RPE: variants seen among roughly 807,000 people sequenced by gnomAD.
RPE encodes the protein ribulose-5-phosphate-3-epimerase, also known as ribulose-phosphate 3-epimerase.
A neutral mutation model predicts 24.6 loss-of-function variants in RPE; 16 were observed. The ratio of observed to expected loss-of-function variants is 0.65; its 90% confidence interval spans 0.44 to 0.99. The LOEUF is 0.99. Ranked by LOEUF, RPE falls within the 50% of genes least tolerant of loss-of-function variation. The pLI, the probability that RPE is intolerant of heterozygous loss-of-function variation, is 0.00. For missense variants in RPE, 240 were observed against 294.5 expected (o/e 0.81, Z 1.35); for synonymous variants, 93 against 98.4 (o/e 0.94, Z 0.33).
chr2:210,002,841 T>C (rs1372054750), intron 1 of RPE, 58 bp downstream of exon 1: 1 of 1,613,048 alleles, frequency 6.2e-7, no homozygotes, highest in Non-Finnish European at 8.5e-7. Flanking sequence ...CAGTGCACCT[T>C]TATTGACTGC....
At chr2:210,004,287 T>C (rs1355457050) in intron 1 of RPE, among the ~76,000 whole-genome samples, 2 of 152,246 alleles carry the variant, frequency 1.3e-5, no homozygotes, top group Non-Finnish European at 2.9e-5. Flanking sequence ...TCAGGATTAT[T>C]AATGATAACC....
Position 210,009,743 on chromosome 2 carries a change from G to GGGTGT in RPE, c.202+8_202+12dup, listed in dbSNP as rs1559477181. On this transcript the variant is annotated splice_region_variant and intron_variant, in intron 2 of 5. Transcript: ENST00000359429. ...GGCCAGGACCCTTTCTTTGGTAAGT[G>GGGTGT]GGTGTTACGCCATCTGAAGCTGGAT... 1.9e-6 allele frequency: 3 copies of GGGTGT among 1,614,098 alleles called. No individual in the cohort carries two copies. The highest frequency in any genetic ancestry group is 1.7e-5 in the Admixed American group (1 of 60,026).
Position 210,020,014 on chromosome 2 carries a change from C to G in RPE, c.*223C>G, listed in dbSNP as rs769959682. ...AATTTATTGATTAGTGAGTAAGATA[C>G]TGTTTTTATTGAGAGATTTGATTTT... On this transcript the variant is annotated 3_prime_UTR_variant, in exon 6 of 6. Coordinates refer to ENST00000359429, the MANE Select transcript of RPE (RefSeq NM_199229.3). 22 of 395,894 alleles carry G rather than the reference C, an allele frequency of 5.6e-5. No homozygotes were observed. The highest frequency in any genetic ancestry group is 9.0e-5 in the Admixed American group (2 of 22,238). The allele number at this position is 395,894 out of a possible 1,614,324, so 24.5% of individuals were successfully genotyped here.
At chr2:210,013,974 G>A (rs1418743345) in intron 2 of RPE, among the ~76,000 whole-genome samples, 1 of 152,170 alleles carries the variant, frequency 6.6e-6, no homozygotes, top group Non-Finnish European at 1.5e-5. Context: ...TTGACTCCCT[G>A]AACACCATAG....
chr2:210,014,968 TAAG>T (rs2093750414), intron 2 of RPE, among the ~76,000 whole-genome samples: 1 of 152,240 alleles, frequency 6.6e-6, no homozygotes, highest in Non-Finnish European at 1.5e-5. Flanking sequence ...TCAAGATCTT[TAAG>T]AAGGCCATGC....
intron 1 of RPE, among the ~76,000 whole-genome samples, chr2:210,008,693 TTTTG>T (rs1459107182): frequency 6.6e-6 from 1 of 151,832 alleles, no homozygotes; most frequent in Non-Finnish European, 1.5e-5. Flanking sequence ...CTTGATTTGT[TTTTG>T]TTTTTGTTTT....
chr2:210,018,051 T>C lies in RPE; in HGVS notation c.564+492T>C, dbSNP rs927172819. ...TGAGCCATGGCGTCTGGCCCGTAAG[T>C]GGATATTCTAAAATCACATAAATTG... On this transcript the variant is annotated intron_variant, in intron 5 of 5. Coordinates refer to ENST00000359429, the MANE Select transcript of RPE (RefSeq NM_199229.3). 4.9e-6 allele frequency: 6 copies of C among 1,236,104 alleles called. No individual in the cohort carries two copies. The East Asian group carries it at 1.3e-4, about 26-fold the overall frequency. The allele number at this position is 1,236,104 out of a possible 1,614,324, so 76.6% of individuals were successfully genotyped here. A position where few individuals can be genotyped will look rare whatever the true frequency, so the allele number is the denominator to read the frequency against.
chr2:210,013,458 G>A (rs1231395034), intron 2 of RPE, among the ~76,000 whole-genome samples: 1 of 151,950 alleles, frequency 6.6e-6, no homozygotes, highest in Non-Finnish European at 1.5e-5. Context: ...TGGGACTGCA[G>A]GGGCACACTA....
intron 5 of RPE, among the ~76,000 whole-genome samples, chr2:210,018,995 T>TCAGCAATGAAA (rs2125092795): frequency 1.3e-5 from 2 of 152,320 alleles, no homozygotes; most frequent in East Asian, 3.9e-4. Context: ...TAGCAATGAA[T>TCAGCAATGAAA]CACAAAACAG....
chr2:210,018,455 C>A, intron 5 of RPE: 1 of 984,758 alleles, frequency 1.0e-6, no homozygotes, highest in Non-Finnish European at 1.2e-6. Flanking sequence ...GATGCCAGCC[C>A]TTCTGGTAGC....
In RPE at chr2:210,021,633, A is replaced by G. The variant is rs1483669072; in HGVS notation, c.*1842A>G. 1 of 152,530 alleles carries G rather than the reference A, an allele frequency of 6.6e-6. No homozygotes were observed. The highest frequency in any genetic ancestry group is 1.5e-5 in the Non-Finnish European group (1 of 67,960). 9.4% of individuals were successfully genotyped at this position (152,530 alleles called of 1,614,324 possible). On this transcript the variant is annotated 3_prime_UTR_variant, in exon 6 of 6. Transcript: ENST00000359429. ...CTTAAAAGGACTAGTATAATTTCCA[A>G]TCTCTAACAAAAACTTAGTGTCAAA... is the stretch of plus-strand genomic sequence containing the variant.
rs751018617 is a variant in RPE at position 210,022,109 on chromosome 2, A to G, written c.*2318A>G. The G allele has an allele frequency of 6.6e-5, 10 of 151,760 alleles. No individual in the cohort carries two copies. The highest frequency in any genetic ancestry group is 1.5e-4 in the Non-Finnish European group (10 of 67,900). 9.4% of individuals were successfully genotyped at this position (151,760 alleles called of 1,614,324 possible). ...AGACACATTAATTGGTAAAACTCAA[A>G]TTGAGTTTTCAAAGATGTGATAGTA... On this transcript the variant is annotated 3_prime_UTR_variant, in exon 6 of 6. Transcript: ENST00000359429.
At chr2:210,017,046 C>T (rs1276872928) in intron 4 of RPE, among the ~76,000 whole-genome samples, 4 of 152,258 alleles carry the variant, frequency 2.6e-5, no homozygotes, top group South Asian at 4.2e-4. Flanking sequence ...GGTCTCACTA[C>T]GTACCCAGGC....
At chr2:210,014,168 T>A (rs776356853) in intron 2 of RPE, among the ~76,000 whole-genome samples, 25 of 152,174 alleles carry the variant, frequency 1.6e-4, no homozygotes, top group Admixed American at 7.2e-4. Flanking sequence ...CTCGGCTGAC[T>A]GCAAGCTCCG....
At chr2:210,013,965 T>G (rs2093734808) in intron 2 of RPE, among the ~76,000 whole-genome samples, 1 of 152,218 alleles carries the variant, frequency 6.6e-6, no homozygotes, top group Non-Finnish European at 1.5e-5. Flanking sequence ...GCTGAACCAT[T>G]GACTCCCTGA....
intron 2 of RPE, 93 bp downstream of exon 2, chr2:210,009,829 C>G (rs887205501): frequency 2.6e-6 from 4 of 1,547,878 alleles, no homozygotes. Flanking sequence ...CATCTGGCAC[C>G]CTTTCCCCAA....
Position 210,009,536 on chromosome 2 carries a change from T to C in RPE, c.123-121T>C, listed in dbSNP as rs550417671. 3.3e-5 allele frequency: 43 copies of C among 1,317,038 alleles called. No individual in the cohort carries two copies. The African/African-American group carries it at 6.0e-4, about 18-fold the overall frequency. The allele number at this position is 1,317,038 out of a possible 1,614,324, so 81.6% of individuals were successfully genotyped here. A position where few individuals can be genotyped will look rare whatever the true frequency, so the allele number is the denominator to read the frequency against. ...TTTTAGTATTATTTAATACTGATGA[T>C]TAAGTATTAAATTGAAAAACATTGC... On this transcript the variant is annotated intron_variant, in intron 1 of 5. Coordinates refer to ENST00000359429, the MANE Select transcript of RPE (RefSeq NM_199229.3).
chr2:210,017,738 T>C (rs1233561200), intron 5 of RPE, 179 bp downstream of exon 5: 102 of 609,588 alleles, frequency 1.7e-4, no homozygotes, highest in African/African-American at 3.5e-4. Context: ...ATATGCTTTT[T>C]TTTTTTTTTT....
rs528566114 is a variant in RPE at position 210,017,647 on chromosome 2, T to C, written c.564+88T>C. On this transcript the variant is annotated intron_variant, in intron 5 of 5. Coordinates refer to ENST00000359429, the MANE Select transcript of RPE (RefSeq NM_199229.3). ...TCTCATGGGCCAGCGATTCCCTCTGTGGTTCCTAAGTTGACTTTCTTTCTT... is the reference window on the plus strand; with the variant it reads ...TCTCATGGGCCAGCGATTCCCTCTGCGGTTCCTAAGTTGACTTTCTTTCTT... 19 of 1,251,984 alleles carry C rather than the reference T, an allele frequency of 1.5e-5. No homozygotes were observed. In the South Asian group the frequency reaches 2.5e-4, roughly 16 times the overall value. 77.6% of individuals were successfully genotyped at this position (1,251,984 alleles called of 1,614,324 possible).
Sources: gnomAD v4.1 joint callset for allele counts (sites outside exome capture counted in the v4.1 genomes callset) on GRCh38, gnomAD v4.1.1 for gene constraint, MANE v1.5 for transcripts, NCBI Gene and HGNC (gene_info 2026-07-23, HGNC 2026-07-21) for gene names.